Variants in ATRNL1 observed in about 807,000 individuals in gnomAD.
ATRNL1 encodes attractin like 1.
ATRNL1 carries 95 observed loss-of-function variants against 182.7 expected under a neutral mutation model. That is an observed-to-expected ratio of 0.52 (90% confidence interval 0.44 to 0.62). The LOEUF is 0.62. ATRNL1 is among the 20% of genes least tolerant of loss of function. The pLI is 0.00. For synonymous variants in ATRNL1, 576 were observed against 568.3 expected (o/e 1.01, Z -0.19); for missense variants, 1,471 against 1,679.5 (o/e 0.88, Z 2.17).
At chr10:115,868,887 T>G (rs1398002744) in intron 28 of ATRNL1, among the ~76,000 whole-genome samples, 2 of 123,746 alleles carry the variant, frequency 1.6e-5, no homozygotes, top group Non-Finnish European at 3.2e-5. Context: ...TGGAGTGCAG[T>G]GGCGCGATCT....
chr10:115,671,305 G>A (rs1234997034), intron 26 of ATRNL1, among the ~76,000 whole-genome samples: 3 of 151,998 alleles, frequency 2.0e-5, no homozygotes, highest in African/African-American at 7.3e-5. Flanking sequence ...TTTTCATCCT[G>A]ACTCTGCAAG....
chr10:115,263,160 C>T (rs1262665249), intron 10 of ATRNL1, among the ~76,000 whole-genome samples: 4 of 151,776 alleles, frequency 2.6e-5, no homozygotes, highest in African/African-American at 9.7e-5. Flanking sequence ...TTACAATGAG[C>T]ACACAGTACC....
chr10:115,521,630 G>T (rs1850941876), intron 25 of ATRNL1, among the ~76,000 whole-genome samples: 1 of 152,142 alleles, frequency 6.6e-6, no homozygotes, highest in South Asian at 2.1e-4. Context: ...TTAAGTAAAA[G>T]AAAATTACTG....
intron 19 of ATRNL1, among the ~76,000 whole-genome samples, chr10:115,372,284 GA>G (rs1254450993): frequency 6.6e-6 from 1 of 152,132 alleles, no homozygotes; most frequent in Non-Finnish European, 1.5e-5. Context: ...CCAGGTATAT[GA>G]TTTGAAAATA....
intron 26 of ATRNL1, among the ~76,000 whole-genome samples, chr10:115,588,336 A>G (rs539072538): frequency 1.6e-4 from 25 of 152,228 alleles, no homozygotes; most frequent in African/African-American, 3.9e-4. Context: ...GGGGGACACA[A>G]TCTGGAGCTT....
chr10:115,465,915 A>G (rs1413667941), intron 22 of ATRNL1, among the ~76,000 whole-genome samples: 1 of 151,570 alleles, frequency 6.6e-6, no homozygotes. Context: ...TTTGATGGAT[A>G]TGGAACACTG....
Position 115,770,658 on chromosome 10 carries a change from A to G in ATRNL1, c.3903+43303A>G, listed in dbSNP as rs146324173. Among the ~76,000 whole-genome samples the G allele has an allele frequency of 2.7e-3, 404 of 152,298 alleles. 2 individuals are homozygous for G. The highest frequency in any genetic ancestry group is 9.1e-3 in the African/African-American group (379 of 41,580). ...AAACAAACTCTGGTATTATATAAATACACTGTAATCCACAGAAGATATATT... is the reference window on the plus strand; with the variant it reads ...AAACAAACTCTGGTATTATATAAATGCACTGTAATCCACAGAAGATATATT... On this transcript the variant is annotated intron_variant, in intron 27 of 28. Coordinates refer to ENST00000355044, the MANE Select transcript of ATRNL1 (RefSeq NM_207303.4).
intron 10 of ATRNL1, among the ~76,000 whole-genome samples, chr10:115,249,430 C>A (rs1479179761): frequency 6.6e-6 from 1 of 151,980 alleles, no homozygotes; most frequent in Non-Finnish European, 1.5e-5. Flanking sequence ...TTACATTTTC[C>A]ACTTGCATTT....
chr10:115,558,953 G>A (rs1853496408), intron 26 of ATRNL1, among the ~76,000 whole-genome samples: 1 of 151,954 alleles, frequency 6.6e-6, no homozygotes, highest in East Asian at 1.9e-4. Context: ...ATCAGCTGAG[G>A]CCTGAGGCTC....
intron 27 of ATRNL1, among the ~76,000 whole-genome samples, chr10:115,780,279 A>C (rs537838325): frequency 6.6e-6 from 1 of 152,308 alleles, no homozygotes; most frequent in South Asian, 2.1e-4. Flanking sequence ...CCCTAGGCAG[A>C]GGGGAATCAC....
At chr10:115,715,813 T>A (rs1555056118) in intron 26 of ATRNL1, among the ~76,000 whole-genome samples, 1 of 152,212 alleles carries the variant, frequency 6.6e-6, no homozygotes, top group African/African-American at 2.4e-5. Flanking sequence ...CGTCAAGGTA[T>A]TCAAGGGTCC....
At position 115,700,208 on chromosome 10, in the gene ATRNL1, A is replaced by T. The variant is rs1555051085; in HGVS notation, c.3796-27040A>T. Among the ~76,000 whole-genome samples, 199 of 152,276 alleles carry T rather than the reference A, an allele frequency of 1.3e-3. 1 individual carries two copies. The highest frequency in any genetic ancestry group is 4.6e-3 in the African/African-American group (190 of 41,554). ...ATTTCTTTTGGATATATACCCAGTA[A>T]TGGGATTGCTGGGTCAAATTGTAGT... On this transcript the variant is annotated intron_variant, in intron 26 of 28. Transcript: ENST00000355044.
At chr10:115,514,564 A>G (rs1850548055) in intron 24 of ATRNL1, among the ~76,000 whole-genome samples, 1 of 151,906 alleles carries the variant, frequency 6.6e-6, no homozygotes, top group Non-Finnish European at 1.5e-5. Context: ...GTACTTAGTT[A>G]TATGGACCCA....
chr10:115,573,003 T>C (rs1343618460), intron 26 of ATRNL1, among the ~76,000 whole-genome samples: 2 of 152,084 alleles, frequency 1.3e-5, no homozygotes, highest in African/African-American at 4.8e-5. Context: ...TTTGCAAAGC[T>C]CTTTCAGCTT....
At chr10:115,223,544 A>G (rs114201967) in intron 9 of ATRNL1, among the ~76,000 whole-genome samples, 1,783 of 151,880 alleles carry the variant, frequency 0.012, 34 homozygotes, top group African/African-American at 0.04. Context: ...TTTTAACCCA[A>G]TTTTCTTGGT....
intron 14 of ATRNL1, among the ~76,000 whole-genome samples, chr10:115,282,687 C>A (rs1554917331): frequency 6.6e-6 from 1 of 151,964 alleles, no homozygotes; most frequent in African/African-American, 2.4e-5. Context: ...GAGATCCATG[C>A]TGGTTAAGTG....
intron 26 of ATRNL1, among the ~76,000 whole-genome samples, chr10:115,660,331 G>A (rs1264211845): frequency 2.6e-5 from 4 of 152,122 alleles, no homozygotes; most frequent in Non-Finnish European, 4.4e-5. Flanking sequence ...GATAGTCAAC[G>A]AAATAGAGAA....
intron 27 of ATRNL1, among the ~76,000 whole-genome samples, chr10:115,835,883 C>G (rs556015050): frequency 6.6e-6 from 1 of 152,268 alleles, no homozygotes; most frequent in South Asian, 2.1e-4. Flanking sequence ...TGATACAACT[C>G]TAAAGAACCA....
At chr10:115,669,998 C>T (rs1945645361) in intron 26 of ATRNL1, among the ~76,000 whole-genome samples, 1 of 151,998 alleles carries the variant, frequency 6.6e-6, no homozygotes, top group South Asian at 2.1e-4. Context: ...GAAGTTTTCA[C>T]ATTTGATAGA....
Sources: gnomAD v4.1 joint callset for allele counts (sites outside exome capture counted in the v4.1 genomes callset) on GRCh38, gnomAD v4.1.1 for gene constraint, MANE v1.5 for transcripts, NCBI Gene and HGNC (gene_info 2026-07-23, HGNC 2026-07-21) for gene names.